The following NDE1 variants were observed in gnomAD, a reference collection of about 807,000 sequenced individuals.
The protein encoded by NDE1 is nudE neurodevelopment protein 1.
NDE1 carries 28 observed loss-of-function variants against 43.4 expected under a neutral mutation model. That is an observed-to-expected ratio of 0.65 (90% CI 0.48 to 0.89). The LOEUF (loss-of-function observed/expected upper bound fraction) is 0.89. Ranked by LOEUF, NDE1 falls within the 40% of genes least tolerant of loss-of-function variation. The pLI is 0.00. For synonymous variants in NDE1, 184 were observed against 172.0 expected, an observed-to-expected ratio of 1.07 and a Z score of -0.55; for missense variants, 441 against 434.1, an observed-to-expected ratio of 1.02 and a Z score of -0.14.
Position 15,667,163 on chromosome 16 carries a change from T to C in NDE1, c.84-123T>C. 4.4e-6 allele frequency: 5 copies of C among 1,138,170 alleles called. No homozygotes were observed. In the South Asian group the frequency reaches 6.2e-5, roughly 14 times the overall value. 70.5% of individuals were successfully genotyped at this position (1,138,170 alleles called of 1,614,324 possible). A position where few individuals can be genotyped will look rare whatever the true frequency, so the allele number is the denominator to read the frequency against. ...CGGGAGACTGAGGCAGGAGAATCGC[T>C]TGAACCTGGAAAGCAGAGGTTGCAG... On this transcript the variant is annotated intron_variant, in intron 2 of 8. Coordinates refer to ENST00000396354, the MANE Select transcript of NDE1 (RefSeq NM_017668.3).
In NDE1 at chr16:15,724,368, G is replaced by C. The variant is rs112377790; in HGVS notation, c.*117G>C. 2 of 1,613,976 alleles carry C rather than the reference G, an allele frequency of 1.2e-6. No homozygotes were observed. Among genetic ancestry groups the C allele is most frequent in the Non-Finnish European group, 1.7e-6 (2 of 1,180,024 alleles). On this transcript the variant is annotated 3_prime_UTR_variant, in exon 9 of 9. Transcript: ENST00000396354. ...TCTTCCCCTCTTCCAGAGCTTCCACGGTGCTGGCAAAGTCCTGCAGCTTCT... is the reference window on the plus strand; with the variant it reads ...TCTTCCCCTCTTCCAGAGCTTCCACCGTGCTGGCAAAGTCCTGCAGCTTCT...
chr16:15,719,984 G>A (rs1396702520), intron 8 of NDE1, among the ~76,000 whole-genome samples: 1 of 152,144 alleles, frequency 6.6e-6, no homozygotes, highest in East Asian at 1.9e-4. Context: ...CCTACCCAGG[G>A]CAGGAGACAG....
intron 4 of NDE1, among the ~76,000 whole-genome samples, chr16:15,680,691 C>T (rs1240321799): frequency 1.3e-5 from 2 of 152,120 alleles, no homozygotes; most frequent in Admixed American, 1.3e-4. Flanking sequence ...AGGCGCCCCC[C>T]ACCACGCCTG....
At position 15,719,762 on chromosome 16, in the gene NDE1, A is replaced by G. The variant is rs571455140; in HGVS notation, c.948-4429A>G. Reference sequence around the variant, plus strand: ...AAGCTCAGATGTCCTTACTCCCCCAAGTTCTGCTGCCCAGTTCAGCTTTGC... The same window carrying G: ...AAGCTCAGATGTCCTTACTCCCCCAGGTTCTGCTGCCCAGTTCAGCTTTGC... On this transcript the variant is annotated intron_variant, in intron 8 of 8. Transcript: ENST00000396354. The G allele has an allele frequency of 2.5e-6, 4 of 1,612,882 alleles. No homozygotes were observed. The South Asian group carries it at 3.3e-5, about 13-fold the overall frequency.
intron 8 of NDE1, among the ~76,000 whole-genome samples, chr16:15,722,594 T>C (rs1212126431): frequency 6.6e-6 from 1 of 152,014 alleles, no homozygotes; most frequent in Non-Finnish European, 1.5e-5. Flanking sequence ...TAACGAAGCA[T>C]TGAAGATGAG....
At chr16:15,655,207 A>G (rs2036701328) in intron 1 of NDE1, among the ~76,000 whole-genome samples, 1 of 152,088 alleles carries the variant, frequency 6.6e-6, no homozygotes, top group Non-Finnish European at 1.5e-5. Context: ...TAGTAGAGAC[A>G]GGGTTTCACC....
In NDE1 at chr16:15,694,210, G is replaced by A. The variant is rs1345521947; in HGVS notation, c.749G>A (p.Arg250Gln). 6.8e-6 allele frequency: 11 copies of A among 1,613,324 alleles called. No homozygotes were observed. The highest frequency in any genetic ancestry group is 4.0e-5 in the African/African-American group (3 of 74,902). ...GGGACCCCCCTCACACCTGCGGCCC[G>A]GATATCAGCCCTCAACATTGTGGGA... ...TGGTPLTPAA[R>Q]ISALNIVGDL... The change falls in exon 7 of 9, where the codon CGG (arginine) becomes CAG (glutamine). Residue 250 changes from arginine to glutamine, a missense_variant. Coordinates refer to ENST00000396354, the MANE Select transcript of NDE1 (RefSeq NM_017668.3).
intron 2 of NDE1, among the ~76,000 whole-genome samples, chr16:15,666,743 C>G (rs927174209): frequency 2.6e-5 from 4 of 152,154 alleles, no homozygotes. Flanking sequence ...GCCTCAGCCT[C>G]CCAGGTAGCT....
chr16:15,722,764 G>A (rs2040552130), intron 8 of NDE1, among the ~76,000 whole-genome samples: 1 of 152,164 alleles, frequency 6.6e-6, no homozygotes. Flanking sequence ...TTTTGAGACA[G>A]GGTTTTCACT....
At chr16:15,655,260 C>CACCCA (rs1670597042) in intron 1 of NDE1, among the ~76,000 whole-genome samples, 1 of 151,996 alleles carries the variant, frequency 6.6e-6, no homozygotes, top group Non-Finnish European at 1.5e-5. Flanking sequence ...TCAAGCAATC[C>CACCCA]ACCCACCTCA....
At chr16:15,671,015 G>A (rs1346439882) in intron 3 of NDE1, among the ~76,000 whole-genome samples, 1 of 152,164 alleles carries the variant, frequency 6.6e-6, no homozygotes, top group Non-Finnish European at 1.5e-5. Context: ...CATAGGTGTT[G>A]TTTGATCGCC....
rs118072250 is a variant in NDE1, at chr16:15,721,403, A to G, written c.948-2788A>G. The stretch of plus-strand genomic sequence containing the variant: ...GGCAGGCGAAACATGGACGAGAAAA[A>G]CCACCCAGAGCCACTTACGTTCTTG... On this transcript the variant is annotated intron_variant, in intron 8 of 8. Coordinates refer to ENST00000396354, the MANE Select transcript of NDE1 (RefSeq NM_017668.3). The G allele has an allele frequency of 8.5e-4, 1,370 of 1,613,684 alleles. 16 individuals are homozygous for G. The East Asian group carries it at 0.025, about 30-fold the overall frequency.
At chr16:15,689,940 A>C (rs1177867277) in intron 5 of NDE1, among the ~76,000 whole-genome samples, 4 of 21,698 alleles carry the variant, frequency 1.8e-4, no homozygotes, top group African/African-American at 7.6e-4. Context: ...CTCCATCTCA[A>C]AAAAAAAAAA....
chr16:15,695,075 C>G, intron 7 of NDE1: 2 of 232,294 alleles, frequency 8.6e-6, no homozygotes, highest in Non-Finnish European at 1.4e-5. Context: ...CCCAGCTACT[C>G]AGGAGGCTGA....
At chr16:15,663,538 G>A (rs962274235) in intron 1 of NDE1, among the ~76,000 whole-genome samples, 13 of 151,998 alleles carry the variant, frequency 8.6e-5, no homozygotes, top group African/African-American at 1.9e-4. Flanking sequence ...CACTGCACCT[G>A]GCTTTTTCAT....
chr16:15,682,767 CAGGCTGG>C (rs1158089179), intron 4 of NDE1, among the ~76,000 whole-genome samples: 4 of 152,052 alleles, frequency 2.6e-5, no homozygotes, highest in East Asian at 3.9e-4. Flanking sequence ...CTCTGTAGCC[CAGGCTGG>C]AGTGCAGTGG....
At chr16:15,718,668 T>C (rs2040301748) in intron 8 of NDE1, 6 of 612,328 alleles carry the variant, frequency 9.8e-6, no homozygotes, top group Non-Finnish European at 1.4e-5. Flanking sequence ...ACCAGCACAC[T>C]CCTCCCTGAC....
At chr16:15,654,467 G>T (rs145004745) in intron 1 of NDE1, among the ~76,000 whole-genome samples, 2 of 151,516 alleles carry the variant, frequency 1.3e-5, no homozygotes, top group Non-Finnish European at 2.9e-5. Context: ...CAGTCGTGGT[G>T]GCATGCACCT....
At chr16:15,667,520 C>A (rs7192974) in intron 3 of NDE1, 81 bp downstream of exon 3, 38,890 of 1,544,760 alleles carry the variant, frequency 0.025, 685 homozygotes, top group South Asian at 0.052. Flanking sequence ...AAGAAGGAAC[C>A]CTGCAATGAG....
Sources: gnomAD v4.1 joint callset for allele counts (sites outside exome capture counted in the v4.1 genomes callset) on GRCh38, gnomAD v4.1.1 for gene constraint, MANE v1.5 for transcripts, NCBI Gene and HGNC (gene_info 2026-07-23, HGNC 2026-07-21) for gene names.